Variants in CTIF observed in about 807,000 individuals in gnomAD.
CTIF encodes CBP80/20-dependent translation initiation factor.
In CTIF, 21 loss-of-function variants were observed where a neutral mutation model predicts 66.0. The observed-to-expected ratio is 0.32, with a 90% CI of 0.23 to 0.46. The LOEUF is 0.46. Ranked by LOEUF, CTIF falls within the 20% of genes least tolerant of loss-of-function variation. CTIF has a pLI of 1.00. For synonymous variants in CTIF, 345 were observed against 326.4 expected (o/e 1.06, Z -0.62); for missense variants, 739 against 812.7 (o/e 0.91, Z 1.10).
At chr18:48,732,065 G>A (rs11082698) in intron 7 of CTIF, among the ~76,000 whole-genome samples, 88,278 of 152,184 alleles carry the variant, frequency 0.58, 26,113 homozygotes, top group East Asian at 0.73. Context: ...CCAACACCCC[G>A]AAGAGAATGA....
intron 9 of CTIF, among the ~76,000 whole-genome samples, chr18:48,763,744 G>A (rs915193290): frequency 2.0e-5 from 3 of 152,138 alleles, no homozygotes; most frequent in Non-Finnish European, 2.9e-5. Context: ...GTGTACCCTC[G>A]ATTTTGCACT....
At chr18:48,691,009 G>A (rs1012023120) in intron 6 of CTIF, among the ~76,000 whole-genome samples, 6 of 152,156 alleles carry the variant, frequency 3.9e-5, no homozygotes, top group African/African-American at 1.4e-4. Flanking sequence ...CGAGCATGGT[G>A]CACGTGCCTG....
chr18:48,757,808 A>C (rs578154353), intron 7 of CTIF, 111 bp from the exon 8 acceptor site: 2 of 1,399,518 alleles, frequency 1.4e-6, no homozygotes, highest in Non-Finnish European at 1.9e-6. Context: ...GTTTGTTGGA[A>C]GAATGAATAT....
intron 3 of CTIF, 130 bp from the exon 4 acceptor site, chr18:48,663,622 C>T: frequency 1.3e-6 from 1 of 790,108 alleles, no homozygotes; most frequent in South Asian, 1.5e-5. Context: ...CTGACTCTGA[C>T]TGGGTGCACC....
At chr18:48,589,061 G>A (rs2089834165) in intron 1 of CTIF, among the ~76,000 whole-genome samples, 1 of 152,174 alleles carries the variant, frequency 6.6e-6, no homozygotes, top group African/African-American at 2.4e-5. Flanking sequence ...GAAAACCAGG[G>A]CTCTGGGAAG....
intron 7 of CTIF, among the ~76,000 whole-genome samples, chr18:48,746,070 G>A (rs910688866): frequency 6.6e-6 from 1 of 152,248 alleles, no homozygotes; most frequent in South Asian, 2.1e-4. Flanking sequence ...CTAATGGAGT[G>A]AGGCGGCTGG....
chr18:48,664,527 C>G lies in CTIF; in HGVS notation c.407C>G (p.Pro136Arg). ...HRKVRHTPKQ[P>R]LPHIDREGCG... ...AAAGTCCGACACACGCCCAAGCAGC[C>G]CCTGCCACACATCGACCGCGAAGGG... The change falls in exon 5 of 12, where the codon CCC (proline) becomes CGC (arginine). Residue 136 changes from proline to arginine, a missense_variant. This residue lies in a region of CTIF where 529 missense variants were observed against 520.3 expected (regional missense o/e 1.02). Transcript: ENST00000256413. The G allele has an allele frequency of 6.2e-7, 1 of 1,612,720 alleles. No homozygotes were observed. The highest frequency in any genetic ancestry group is 8.5e-7 in the Non-Finnish European group (1 of 1,179,968).
intron 6 of CTIF, among the ~76,000 whole-genome samples, chr18:48,703,736 C>T (rs139092552): frequency 3.9e-5 from 6 of 152,164 alleles, no homozygotes; most frequent in African/African-American, 1.4e-4. Flanking sequence ...CTCATTGGGG[C>T]AGGGGCAGCA....
At chr18:48,586,880 G>A (rs539446845) in intron 1 of CTIF, among the ~76,000 whole-genome samples, 1 of 152,006 alleles carries the variant, frequency 6.6e-6, no homozygotes, top group Non-Finnish European at 1.5e-5. Flanking sequence ...AGTGTCTTTG[G>A]GAACATTAGA....
Position 48,671,968 on chromosome 18 carries a change from G to T in CTIF, c.507+1224G>T, listed in dbSNP as rs145578920. Among the ~76,000 whole-genome samples the T allele has an allele frequency of 1.2e-3, 10 of 8,354 alleles. 1 individual carries two copies. In the East Asian group the frequency reaches 0.15, roughly 123 times the overall value. The allele number at this position is 8,354 out of a possible 152,430, so 5.5% of individuals were successfully genotyped here. On this transcript the variant is annotated intron_variant, in intron 6 of 11. Coordinates refer to ENST00000256413, the MANE Select transcript of CTIF (RefSeq NM_014772.3). ...TAGTTTTTATCTCTCGAAGGTCATT[G>T]TGGGCTTTTTTAATAAGCCACTGTG...
intron 1 of CTIF, among the ~76,000 whole-genome samples, chr18:48,594,934 C>G (rs2089962435): frequency 6.6e-6 from 1 of 152,222 alleles, no homozygotes; most frequent in Admixed American, 6.5e-5. Flanking sequence ...GCAGGAGTTG[C>G]TGTCAGGGCC....
chr18:48,833,473 C>A (rs973978199), intron 10 of CTIF, among the ~76,000 whole-genome samples: 1 of 151,998 alleles, frequency 6.6e-6, no homozygotes, highest in Admixed American at 6.6e-5. Context: ...TCTCTAAATG[C>A]CCCCCTGCCC....
At chr18:48,744,856 G>A (rs777451905) in intron 7 of CTIF, among the ~76,000 whole-genome samples, 2 of 149,692 alleles carry the variant, frequency 1.3e-5, no homozygotes, top group African/African-American at 4.9e-5. Context: ...GGAGTCTCAC[G>A]CTGTTGCCCA....
intron 1 of CTIF, among the ~76,000 whole-genome samples, chr18:48,619,020 T>G (rs2090446546): frequency 6.6e-6 from 1 of 152,132 alleles, no homozygotes; most frequent in Non-Finnish European, 1.5e-5. Context: ...TTCAACTAAT[T>G]TAGGGGACAG....
chr18:48,742,860 A>G (rs1317712492), intron 7 of CTIF, among the ~76,000 whole-genome samples: 1 of 152,072 alleles, frequency 6.6e-6, no homozygotes, highest in Non-Finnish European at 1.5e-5. Context: ...GTCCTTGCCT[A>G]TGGTCATGGG....
chr18:48,562,356 C>G (rs2089182827), intron 1 of CTIF, among the ~76,000 whole-genome samples: 1 of 152,210 alleles, frequency 6.6e-6, no homozygotes, highest in Non-Finnish European at 1.5e-5. Flanking sequence ...GTGGCAAAGG[C>G]AAAATTTGAA....
rs114989695 is a variant in CTIF, at chr18:48,556,103, C to T, written c.-29+16791C>T. Among the ~76,000 whole-genome samples the T allele has an allele frequency of 4.2e-3, 636 of 152,256 alleles. 1 individual carries two copies. Among genetic ancestry groups the T allele is most frequent in the African/African-American group, 0.014 (602 of 41,556 alleles). On this transcript the variant is annotated intron_variant, in intron 1 of 11. Coordinates refer to ENST00000256413, the MANE Select transcript of CTIF (RefSeq NM_014772.3). ...CTGCAGTTTTAACTCCTGGGCTGCC[C>T]GTTGGTCTTGTCTGTCCTGAGCTGC...
chr18:48,588,626 C>T (rs565488608), intron 1 of CTIF, among the ~76,000 whole-genome samples: 7 of 152,334 alleles, frequency 4.6e-5, no homozygotes, highest in South Asian at 2.1e-4. Context: ...TGCCCCTGCC[C>T]GGCTCGCTCC....
At chr18:48,752,292 C>T (rs959415390) in intron 7 of CTIF, among the ~76,000 whole-genome samples, 3 of 152,130 alleles carry the variant, frequency 2.0e-5, no homozygotes, top group Non-Finnish European at 4.4e-5. Flanking sequence ...CTCCTCTCAG[C>T]GTTGTTAGGA....
Sources: gnomAD v4.1 joint callset for allele counts (sites outside exome capture counted in the v4.1 genomes callset) on GRCh38, gnomAD v4.1.1 for gene constraint, gnomAD v4.1.1 regional missense constraint, MANE v1.5 for transcripts, NCBI Gene and HGNC (gene_info 2026-07-23, HGNC 2026-07-21) for gene names.